KCNIP4: variants seen among roughly 807,000 people sequenced by gnomAD.
The protein encoded by KCNIP4 is potassium voltage-gated channel interacting protein 4, also known as Kv channel-interacting protein 4.
KCNIP4 carries 12 observed loss-of-function variants against 34.0 expected under a neutral mutation model. The observed-to-expected ratio is 0.35, with a 90% CI of 0.23 to 0.57. The LOEUF (loss-of-function observed/expected upper bound fraction) is 0.57, where lower values mean the gene tolerates loss of function less well. Ranked by LOEUF, KCNIP4 falls within the 20% of genes least tolerant of loss-of-function variation. KCNIP4 has a pLI of 0.83. For synonymous variants in KCNIP4, 124 were observed against 102.2 expected (o/e 1.21, Z -1.29); for missense variants, 238 against 311.7 (o/e 0.76, Z 1.78).
intron 1 of KCNIP4, among the ~76,000 whole-genome samples, chr4:21,015,558 T>C (rs1739431671): frequency 7.9e-6 from 1 of 126,202 alleles, no homozygotes; most frequent in South Asian, 2.4e-4. Flanking sequence ...ATAATTAATA[T>C]AATATAGTAT....
intron 1 of KCNIP4, among the ~76,000 whole-genome samples, chr4:21,572,553 TC>T (rs1356709287): frequency 1.2e-4 from 19 of 152,180 alleles, no homozygotes; most frequent in African/African-American, 3.9e-4. Context: ...CTCATCATCT[TC>T]CTTCTAAACA....
chr4:21,001,808 T>G (rs2149719531), intron 1 of KCNIP4, among the ~76,000 whole-genome samples: 1 of 152,368 alleles, frequency 6.6e-6, no homozygotes, highest in East Asian at 1.9e-4. Flanking sequence ...TTATTGGTGC[T>G]GGGATTGAAT....
At chr4:21,066,351 A>G (rs1177027220) in intron 1 of KCNIP4, among the ~76,000 whole-genome samples, 3 of 152,190 alleles carry the variant, frequency 2.0e-5, no homozygotes, top group South Asian at 4.1e-4. Context: ...TTCTGCAGGA[A>G]CACCACATTG....
intron 1 of KCNIP4, among the ~76,000 whole-genome samples, chr4:21,207,023 G>T (rs1021489112): frequency 2.0e-5 from 3 of 152,150 alleles, no homozygotes; most frequent in African/African-American, 7.2e-5. Context: ...ATAGCCCATT[G>T]CAGTGATGCC....
chr4:21,354,905 A>G (rs1419777745), intron 1 of KCNIP4, among the ~76,000 whole-genome samples: 1 of 152,136 alleles, frequency 6.6e-6, no homozygotes, highest in African/African-American at 2.4e-5. Flanking sequence ...CAAGTAAAGC[A>G]CTCCTCAGCA....
chr4:21,284,647 T>A (rs1248817696), intron 1 of KCNIP4, among the ~76,000 whole-genome samples: 15 of 152,142 alleles, frequency 9.9e-5, no homozygotes, highest in Non-Finnish European at 1.5e-5. Flanking sequence ...TCTCCGAGGA[T>A]AAACAGGAAA....
intron 1 of KCNIP4, among the ~76,000 whole-genome samples, chr4:20,973,626 T>A (rs74374248): frequency 0.024 from 3,672 of 152,330 alleles, 157 homozygotes; most frequent in African/African-American, 0.084. Flanking sequence ...TTGACTTTCA[T>A]CATGCGTTCC....
At chr4:20,756,032 A>G (rs1448074131) in intron 4 of KCNIP4, among the ~76,000 whole-genome samples, 3 of 152,156 alleles carry the variant, frequency 2.0e-5, no homozygotes, top group Non-Finnish European at 4.4e-5. Flanking sequence ...ATTTGCTTGC[A>G]TTTTAACGGG....
At chr4:21,147,097 C>T (rs556962098) in intron 1 of KCNIP4, among the ~76,000 whole-genome samples, 4 of 152,230 alleles carry the variant, frequency 2.6e-5, no homozygotes, top group East Asian at 3.9e-4. Flanking sequence ...CTCTGGCTTC[C>T]GGTTGGGCTC....
At chr4:21,720,222 T>G (rs761300703) in intron 1 of KCNIP4, among the ~76,000 whole-genome samples, 9 of 152,250 alleles carry the variant, frequency 5.9e-5, no homozygotes, top group Non-Finnish European at 7.4e-5. Flanking sequence ...ACTAGGCCAG[T>G]TGCGTTCAAT....
chr4:21,602,088 G>A (rs539144862), intron 1 of KCNIP4, among the ~76,000 whole-genome samples: 23 of 152,246 alleles, frequency 1.5e-4, no homozygotes, highest in Middle Eastern at 3.4e-3. Flanking sequence ...CTTTGCTTAT[G>A]TTGTTCCTTC....
At chr4:20,831,043 G>A (rs928128901) in intron 3 of KCNIP4, among the ~76,000 whole-genome samples, 20 of 152,148 alleles carry the variant, frequency 1.3e-4, no homozygotes, top group African/African-American at 4.8e-4. Flanking sequence ...AAGAGAGTGG[G>A]ATTGGTTGAT....
At chr4:20,733,759 A>G (rs1485434314) in intron 6 of KCNIP4, among the ~76,000 whole-genome samples, 6 of 152,194 alleles carry the variant, frequency 3.9e-5, no homozygotes, top group African/African-American at 1.2e-4. Flanking sequence ...CATGAACACA[A>G]TAGCCATAAG....
chr4:21,155,872 C>A (rs1753111655), intron 1 of KCNIP4, among the ~76,000 whole-genome samples: 1 of 152,070 alleles, frequency 6.6e-6, no homozygotes, highest in Non-Finnish European at 1.5e-5. Flanking sequence ...ATGTTTATAA[C>A]TATTTTTGCT....
At chr4:21,647,654 G>A (rs765282122) in intron 1 of KCNIP4, among the ~76,000 whole-genome samples, 1 of 152,134 alleles carries the variant, frequency 6.6e-6, no homozygotes, top group East Asian at 1.9e-4. Context: ...CTGGGTTCTT[G>A]TCTGTTCATT....
At chr4:21,598,739 G>A (rs1243610245) in intron 1 of KCNIP4, among the ~76,000 whole-genome samples, 1 of 108,846 alleles carries the variant, frequency 9.2e-6, no homozygotes, top group Non-Finnish European at 2.0e-5. Context: ...GTAAATATTT[G>A]CAAGATCTAC....
At chr4:21,918,920 C>T (rs727633) in intron 1 of KCNIP4, among the ~76,000 whole-genome samples, 38,504 of 152,022 alleles carry the variant, frequency 0.25, 5,690 homozygotes, top group East Asian at 0.61. Context: ...TGGGGACCTG[C>T]GCTGTTATAT....
chr4:21,709,580 T>A (rs1322170092), intron 1 of KCNIP4, among the ~76,000 whole-genome samples: 2 of 152,178 alleles, frequency 1.3e-5, no homozygotes, highest in Non-Finnish European at 2.9e-5. Context: ...TACTAGTTTT[T>A]AAGAAAGAGA....
chr4:20,817,053 G>A (rs2149440121), intron 3 of KCNIP4, among the ~76,000 whole-genome samples: 1 of 152,260 alleles, frequency 6.6e-6, no homozygotes. Context: ...ATCCAAACAT[G>A]AACCAACATT....
Sources: gnomAD v4.1 joint callset for allele counts (sites outside exome capture counted in the v4.1 genomes callset) on GRCh38, gnomAD v4.1.1 for gene constraint, MANE v1.5 for transcripts, NCBI Gene and HGNC (gene_info 2026-07-23, HGNC 2026-07-21) for gene names.